The following TIAM2 variants were observed in gnomAD, a reference collection of about 807,000 sequenced individuals.
The protein encoded by TIAM2 is TIAM Rac1 associated GEF 2, also known as rho guanine nucleotide exchange factor TIAM2.
In TIAM2, 80 loss-of-function variants were observed where a neutral mutation model predicts 152.9. The observed-to-expected ratio is 0.52, with a 90% CI of 0.44 to 0.63. The LOEUF is 0.63. TIAM2 is among the 30% of genes least tolerant of loss of function. The pLI is 0.00. For synonymous variants in TIAM2, 804 were observed against 838.0 expected (o/e 0.96, Z 0.70); for missense variants, 1,965 against 2,120.1 (o/e 0.93, Z 1.44).
At chr6:155,148,733 T>C (rs752902156) in intron 7 of TIAM2, among the ~76,000 whole-genome samples, 13 of 152,214 alleles carry the variant, frequency 8.5e-5, no homozygotes, top group Non-Finnish European at 1.8e-4. Context: ...TGGTTTGGTG[T>C]AACAGCTGTT....
intron 1 of TIAM2, among the ~76,000 whole-genome samples, chr6:155,051,652 GT>G (rs1205357309): frequency 6.6e-6 from 1 of 150,572 alleles, no homozygotes; most frequent in Non-Finnish European, 1.5e-5. Flanking sequence ...GGCTCTTATT[GT>G]TTTTTTTTGA....
In TIAM2 at chr6:155,126,485, G is replaced by A. The variant is rs535672839; in HGVS notation, c.-117-1005G>A. Among the ~76,000 whole-genome samples the A allele has an allele frequency of 6.6e-5, 10 of 152,210 alleles. No homozygotes were observed. In the Middle Eastern group the frequency reaches 0.01, roughly 155 times the overall value. The stretch of plus-strand genomic sequence containing the variant: ...GGTGGCTCACGCCTGTAATCCCCGC[G>A]CTTTGGGAGGCTGAGGTGAGCAGAT... On this transcript the variant is annotated intron_variant, in intron 2 of 26. Transcript: ENST00000682666.
At chr6:155,131,874 C>T (rs575690308) in intron 4 of TIAM2, among the ~76,000 whole-genome samples, 70 of 152,204 alleles carry the variant, frequency 4.6e-4, no homozygotes, top group Non-Finnish European at 7.4e-4. Flanking sequence ...CCACCACATC[C>T]GGCCTATATG....
At chr6:155,164,133 G>GTTTTTTTTTTTTTTTTGTTTTTT (rs375238178) in intron 7 of TIAM2, among the ~76,000 whole-genome samples, 1 of 118,006 alleles carries the variant, frequency 8.5e-6, no homozygotes, top group Non-Finnish European at 1.7e-5. Flanking sequence ...TAATTTTTGT[G>GTTTTTTTTTTTTTTTTGTTTTTT]TTTTTTTTTT....
In TIAM2 at chr6:155,185,309, T is replaced by C. The variant is rs556460310; in HGVS notation, c.3064+1809T>C. The stretch of plus-strand genomic sequence containing the variant: ...GCCTGGCTAATTTCTGCGTTTTTAA[T>C]AGAGATGGGGTTTCACCATGTTGGC... On this transcript the variant is annotated intron_variant, in intron 14 of 26. Transcript: ENST00000682666. Among the ~76,000 whole-genome samples the C allele has an allele frequency of 4.0e-5, 6 of 151,792 alleles. No individual in the cohort carries two copies. In the East Asian group the frequency reaches 9.7e-4, roughly 25 times the overall value.
intron 1 of TIAM2, among the ~76,000 whole-genome samples, chr6:155,026,671 C>T (rs887215594): frequency 4.6e-5 from 7 of 152,232 alleles, no homozygotes; most frequent in South Asian, 4.1e-4. Context: ...CTGGTGCCAG[C>T]CTCTGGAAGT....
intron 1 of TIAM2, among the ~76,000 whole-genome samples, chr6:155,004,142 C>G (rs1456343644): frequency 6.6e-6 from 1 of 152,178 alleles, no homozygotes; most frequent in Non-Finnish European, 1.5e-5. Context: ...TCCGAAAGTA[C>G]TGGGATTACA....
chr6:155,240,399 C>A, intron 15 of TIAM2, 131 bp from the exon 16 acceptor site: 1 of 894,542 alleles, frequency 1.1e-6, no homozygotes, highest in Non-Finnish European at 1.6e-6. Context: ...TGAATGAAAC[C>A]CTTTGCCCTA....
At chr6:155,015,963 A>C (rs1354848816) in intron 1 of TIAM2, among the ~76,000 whole-genome samples, 23 of 151,080 alleles carry the variant, frequency 1.5e-4, no homozygotes, top group African/African-American at 4.4e-4. Flanking sequence ...AAAAAAAAAA[A>C]AAAAAAAAAA....
chr6:155,130,305 G>C lies in TIAM2; in HGVS notation c.1082G>C (p.Arg361Pro). 6.2e-7 allele frequency: 1 copy of C among 1,614,092 alleles called. No homozygotes were observed. The stretch of plus-strand genomic sequence containing the variant: ...TACAGTTCCTTCACTCTCCCCTGTC[G>C]GAAGCCCAAAGCCTTTGTTGAGGAT... ...IQYSSFTLPC[R>P]KPKAFVEDTA... is the part of the protein sequence containing the mutation. Residue 361 changes from arginine to proline, a missense_variant, in exon 4 of 27, where the codon CGG becomes CCG. This residue lies in a region of TIAM2 where 1,025 missense variants were observed against 1,119.4 expected (regional missense o/e 0.92). Coordinates refer to ENST00000682666, the MANE Select transcript of TIAM2 (RefSeq NM_012454.4).
chr6:155,163,982 C>T (rs528551441), intron 7 of TIAM2, among the ~76,000 whole-genome samples: 37 of 135,106 alleles, frequency 2.7e-4, no homozygotes, highest in African/African-American at 8.5e-4. Context: ...TTTTTTGAGA[C>T]GGAGTCTTGC....
At chr6:155,199,485 T>A (rs762073225) in intron 14 of TIAM2, among the ~76,000 whole-genome samples, 4 of 152,164 alleles carry the variant, frequency 2.6e-5, no homozygotes, top group African/African-American at 7.2e-5. Flanking sequence ...TCAAATAAGG[T>A]CTCAAATGGA....
At chr6:155,153,955 A>G (rs185366767) in intron 7 of TIAM2, among the ~76,000 whole-genome samples, 155 of 152,274 alleles carry the variant, frequency 1.0e-3, no homozygotes, top group African/African-American at 3.0e-3. Flanking sequence ...TCAGACACAA[A>G]GACTGGGAAG....
At chr6:155,017,191 G>A (rs1778606488) in intron 1 of TIAM2, among the ~76,000 whole-genome samples, 1 of 152,186 alleles carries the variant, frequency 6.6e-6, no homozygotes, top group African/African-American at 2.4e-5. Context: ...AGCAGGGATG[G>A]AATGATGGGA....
Position 155,117,011 on chromosome 6 carries a change from G to A in TIAM2, c.-117-10479G>A, listed in dbSNP as rs187466548. On this transcript the variant is annotated intron_variant, in intron 2 of 26. Coordinates refer to ENST00000682666, the MANE Select transcript of TIAM2 (RefSeq NM_012454.4). ...GTTTTAGCTGAGACTTGAAGTAGACGGGGGAGAAAGGGCAGAGTGGGACTG... is the reference window on the plus strand; with the variant it reads ...GTTTTAGCTGAGACTTGAAGTAGACAGGGGAGAAAGGGCAGAGTGGGACTG... 2.3e-3 allele frequency among the ~76,000 whole-genome samples: 346 copies of A among 151,358 alleles called. 2 individuals carry two copies. Among genetic ancestry groups the A allele is most frequent in the Non-Finnish European group, 4.3e-3 (294 of 67,918 alleles).
At chr6:155,195,648 G>A (rs1159824428) in intron 14 of TIAM2, among the ~76,000 whole-genome samples, 4 of 151,858 alleles carry the variant, frequency 2.6e-5, no homozygotes, top group Admixed American at 6.6e-5. Context: ...TAAGTGTGAC[G>A]GAACAAAAAT....
intron 20 of TIAM2, among the ~76,000 whole-genome samples, chr6:155,249,402 T>G (rs1222723036): frequency 2.0e-5 from 3 of 152,206 alleles, no homozygotes; most frequent in Non-Finnish European, 4.4e-5. Context: ...CCAGTCAGGC[T>G]TGGGTTTGAA....
At chr6:155,211,127 T>C in intron 14 of TIAM2, 77 bp from the exon 15 acceptor site, 1 of 1,308,306 alleles carries the variant, frequency 7.6e-7, no homozygotes, top group African/African-American at 1.5e-5. Context: ...CCTTTCTCCA[T>C]GTGAGCCTTT....
rs554674682 is a variant in TIAM2 at position 155,176,898 on chromosome 6, A to G, written c.2444A>G (p.His815Arg). Residue 815 changes from histidine to arginine, a missense_variant, in exon 10 of 27, where the codon CAC becomes CGC. This residue lies in a region of TIAM2 where 1,025 missense variants were observed against 1,119.4 expected (regional missense o/e 0.92). Transcript: ENST00000682666. The part of the protein sequence containing the change: ...DNAWEIQTYV[H>R]FQDNHGVTVG... ...GCATGGGAAATCCAGACTTATGTCCACTTTCAGGACAATCACGGAGTTACT... is the reference window on the plus strand; with the variant it reads ...GCATGGGAAATCCAGACTTATGTCCGCTTTCAGGACAATCACGGAGTTACT... 3.1e-6 allele frequency: 5 copies of G among 1,614,114 alleles called. No individual in the cohort carries two copies. Among genetic ancestry groups the G allele is most frequent in the Admixed American group, 3.3e-5 (2 of 60,018 alleles).
Sources: gnomAD v4.1 joint callset for allele counts (sites outside exome capture counted in the v4.1 genomes callset) on GRCh38, gnomAD v4.1.1 for gene constraint, gnomAD v4.1.1 regional missense constraint, MANE v1.5 for transcripts, NCBI Gene and HGNC (gene_info 2026-07-23, HGNC 2026-07-21) for gene names.